Variants in RASAL2 observed in about 807,000 individuals in gnomAD.
RASAL2 encodes RAS protein activator like 2, also known as ras GTPase-activating protein nGAP.
RASAL2 carries 58 observed loss-of-function variants against 128.9 expected under a neutral mutation model. The observed-to-expected ratio is 0.45, with a 90% CI of 0.36 to 0.56. The LOEUF is 0.56. Ranked by LOEUF, RASAL2 falls within the 20% of genes least tolerant of loss-of-function variation. The probability of loss-of-function intolerance (pLI) is 0.00; values close to 1 mark genes in which losing one functional copy is unlikely to be tolerated. For synonymous variants in RASAL2, 561 were observed against 580.8 expected (o/e 0.97, Z 0.49); for missense variants, 1,360 against 1,601.6 (o/e 0.85, Z 2.57).
At chr1:178,172,267 G>A (rs1244442021) in intron 1 of RASAL2, among the ~76,000 whole-genome samples, 1 of 152,050 alleles carries the variant, frequency 6.6e-6, no homozygotes, top group African/African-American at 2.4e-5. Context: ...AAAGGTTAAT[G>A]TGAGGGGAAT....
At chr1:178,320,502 G>A (rs1277372792) in intron 3 of RASAL2, among the ~76,000 whole-genome samples, 1 of 152,126 alleles carries the variant, frequency 6.6e-6, no homozygotes, top group African/African-American at 2.4e-5. Context: ...GTGGTGCGCC[G>A]TTTTTTAAGC....
At position 178,452,478 on chromosome 1, in the gene RASAL2, G is replaced by T. The variant is rs766767770; in HGVS notation, c.1835G>T (p.Gly612Val). The part of the protein sequence containing the change: ...ASWKQQCLNR[G>V]KQDISERLIS... ...TGGAAGCAGCAGTGCCTGAACCGTG[G>T]CAAGCAAGACATCAGCGAGAGGCTC... Residue 612 changes from glycine to valine, a missense_variant, in exon 11 of 18, where the codon GGC (glycine) becomes GTC (valine). Around this residue, in one of 3 missense-constraint regions of RASAL2, gnomAD observed 741 missense variants for 868.6 expected, o/e 0.85. Transcript: ENST00000367649. The T allele has an allele frequency of 2.0e-5, 32 of 1,613,936 alleles. No homozygotes were observed. The highest frequency in any genetic ancestry group is 2.6e-5 in the Non-Finnish European group (31 of 1,179,980).
intron 3 of RASAL2, among the ~76,000 whole-genome samples, chr1:178,386,006 A>G (rs1198398693): frequency 6.6e-6 from 1 of 151,372 alleles, no homozygotes; most frequent in African/African-American, 2.4e-5. Context: ...CTTCTAACTT[A>G]CTCCTTAGGG....
intron 1 of RASAL2, among the ~76,000 whole-genome samples, chr1:178,145,570 A>AG (rs1553253934): frequency 3.1e-4 from 47 of 149,868 alleles, no homozygotes; most frequent in African/African-American, 1.1e-3. Context: ...AAAAAAAAAA[A>AG]GGGGGAGTAT....
chr1:178,204,221 C>T (rs770618092), intron 1 of RASAL2, among the ~76,000 whole-genome samples: 6 of 152,058 alleles, frequency 3.9e-5, no homozygotes, highest in Admixed American at 2.0e-4. Context: ...GGGATTGGTG[C>T]GTCTCTGGTT....
At chr1:178,236,944 A>G (rs1427900879) in intron 1 of RASAL2, among the ~76,000 whole-genome samples, 1 of 151,524 alleles carries the variant, frequency 6.6e-6, no homozygotes, top group Non-Finnish European at 1.5e-5. Flanking sequence ...TTGTATTTTT[A>G]GTAGAGATGG....
intron 3 of RASAL2, among the ~76,000 whole-genome samples, chr1:178,372,740 CTTTTAT>C (rs1671785553): frequency 6.6e-6 from 1 of 152,140 alleles, no homozygotes; most frequent in African/African-American, 2.4e-5. Context: ...CGAGAAGTAG[CTTTTAT>C]GCAAGGTGTG....
At chr1:178,441,179 C>T (rs946133659) in intron 6 of RASAL2, among the ~76,000 whole-genome samples, 3 of 152,128 alleles carry the variant, frequency 2.0e-5, no homozygotes, top group African/African-American at 7.2e-5. Context: ...ATCTTAGTTT[C>T]TTATGGTATG....
intron 3 of RASAL2, among the ~76,000 whole-genome samples, chr1:178,342,195 T>C (rs1669916789): frequency 6.6e-6 from 1 of 152,210 alleles, no homozygotes. Flanking sequence ...AGAAAGTTTA[T>C]TGACTTATTG....
intron 17 of RASAL2, chr1:178,470,846 A>G (rs1648192282): frequency 1.4e-6 from 1 of 726,016 alleles, no homozygotes; most frequent in Non-Finnish European, 2.1e-6. Context: ...TCAGGTGTGG[A>G]CTAGATTGCT....
At chr1:178,285,068 G>C (rs1426885735) in intron 2 of RASAL2, among the ~76,000 whole-genome samples, 1 of 109,028 alleles carries the variant, frequency 9.2e-6, no homozygotes, top group Admixed American at 9.1e-5. Context: ...AACAATTCCA[G>C]TTTCTTCTTG....
chr1:178,141,920 G>C (rs762385425), intron 1 of RASAL2, among the ~76,000 whole-genome samples: 1 of 152,108 alleles, frequency 6.6e-6, no homozygotes, highest in African/African-American at 2.4e-5. Flanking sequence ...ACCCCTATAC[G>C]ATGGGGCGTC....
chr1:178,465,089 A>G (rs1159038845), intron 15 of RASAL2, among the ~76,000 whole-genome samples: 1 of 152,106 alleles, frequency 6.6e-6, no homozygotes, highest in African/African-American at 2.4e-5. Context: ...AGCCACAGCA[A>G]CTACAGTACA....
chr1:178,240,744 T>C (rs1186301821), intron 1 of RASAL2, among the ~76,000 whole-genome samples: 1 of 151,732 alleles, frequency 6.6e-6, no homozygotes, highest in Non-Finnish European at 1.5e-5. Flanking sequence ...TTAAGCTAAT[T>C]ATTAACAACT....
chr1:178,381,952 A>G (rs1672309530), intron 3 of RASAL2, among the ~76,000 whole-genome samples: 1 of 152,166 alleles, frequency 6.6e-6, no homozygotes, highest in Non-Finnish European at 1.5e-5. Flanking sequence ...TAAATACCAA[A>G]CTGAAGTTAA....
intron 1 of RASAL2, among the ~76,000 whole-genome samples, chr1:178,270,256 A>G (rs1364575035): frequency 6.6e-6 from 1 of 152,078 alleles, no homozygotes; most frequent in Non-Finnish European, 1.5e-5. Context: ...AGAAACTCAC[A>G]TCATTTAGTA....
At chr1:178,424,369 A>G (rs1427198106) in intron 5 of RASAL2, among the ~76,000 whole-genome samples, 3 of 152,108 alleles carry the variant, frequency 2.0e-5, no homozygotes, top group African/African-American at 7.2e-5. Flanking sequence ...CAGCCTCCTG[A>G]GTAGCTTGGA....
At chr1:178,169,945 A>G (rs1661650585) in intron 1 of RASAL2, among the ~76,000 whole-genome samples, 1 of 151,982 alleles carries the variant, frequency 6.6e-6, no homozygotes, top group Non-Finnish European at 1.5e-5. Context: ...AAGGTTTAAA[A>G]CATTAACAGT....
intron 4 of RASAL2, among the ~76,000 whole-genome samples, chr1:178,392,035 A>G (rs1672939607): frequency 6.6e-6 from 1 of 152,198 alleles, no homozygotes; most frequent in East Asian, 1.9e-4. Context: ...AATTATTTAC[A>G]ATGACACACT....
Sources: gnomAD v4.1 joint callset for allele counts (sites outside exome capture counted in the v4.1 genomes callset) on GRCh38, gnomAD v4.1.1 for gene constraint, gnomAD v4.1.1 regional missense constraint, MANE v1.5 for transcripts, NCBI Gene and HGNC (gene_info 2026-07-23, HGNC 2026-07-21) for gene names.